CDH18: variants seen among roughly 807,000 people sequenced by gnomAD.
The protein encoded by CDH18 is cadherin-18.
CDH18 carries 31 observed loss-of-function variants against 67.9 expected under a neutral mutation model. The observed-to-expected ratio is 0.46, with a 90% CI of 0.34 to 0.62. The LOEUF is 0.62. CDH18 is among the 20% of genes least tolerant of loss of function. CDH18 has a pLI of 0.01. For synonymous variants in CDH18, 362 were observed against 347.2 expected (o/e 1.04, Z -0.48); for missense variants, 890 against 975.5 (o/e 0.91, Z 1.17).
chr5:19,893,570 C>T (rs1394707617), intron 2 of CDH18, among the ~76,000 whole-genome samples: 1 of 152,098 alleles, frequency 6.6e-6, no homozygotes, highest in Non-Finnish European at 1.5e-5. Context: ...TACATACATT[C>T]ATTTTCTCTC....
rs1580710642 is a variant in CDH18 at position 20,305,213 on chromosome 5, C to T, written c.-579-49708G>A. ...GACAGTCCTTCCAAAGGCTTCCCTC[C>T]AGCACCACTACCAAATCCAGGAAAC... On this transcript the variant is annotated intron_variant, in intron 1 of 14. Coordinates refer to the CDH18 transcript ENST00000507958. 7 of 1,385,950 alleles carry T rather than the reference C, an allele frequency of 5.1e-6. No individual in the cohort carries two copies. In the East Asian group the frequency reaches 1.4e-4, roughly 27 times the overall value. The allele number at this position is 1,385,950 out of a possible 1,614,324, so 85.9% of individuals were successfully genotyped here.
intron 2 of CDH18, among the ~76,000 whole-genome samples, chr5:20,208,186 C>A (rs10062437): frequency 0.011 from 1,692 of 152,132 alleles, 32 homozygotes; most frequent in African/African-American, 0.038. Flanking sequence ...GAAGGTGAAA[C>A]AGGCATGTCT....
chr5:19,877,230 T>C (rs1015680257), intron 2 of CDH18, among the ~76,000 whole-genome samples: 1 of 152,050 alleles, frequency 6.6e-6, no homozygotes, highest in African/African-American at 2.4e-5. Flanking sequence ...AAAAAAAACC[T>C]ATATTAAATG....
At position 20,258,777 on chromosome 5, in the gene CDH18, T is replaced by C. The variant is rs529919091; in HGVS notation, c.-579-3272A>G. The stretch of plus-strand genomic sequence containing the variant: ...CGAGAGTCCTAACATACCCTAATAC[T>C]ACAGGAATGGTGAAGAGGTGGCAAT... On this transcript the variant is annotated intron_variant, in intron 1 of 14. Transcript: ENST00000507958. 3.9e-5 allele frequency among the ~76,000 whole-genome samples: 6 copies of C among 152,238 alleles called. No homozygotes were observed. In the South Asian group the frequency reaches 1.0e-3, roughly 26 times the overall value.
At chr5:19,592,314 C>T (rs936248345) in intron 6 of CDH18, among the ~76,000 whole-genome samples, 7 of 151,924 alleles carry the variant, frequency 4.6e-5, no homozygotes, top group East Asian at 1.9e-4. Context: ...TATTAAATGT[C>T]GAATGGAACC....
intron 2 of CDH18, among the ~76,000 whole-genome samples, chr5:20,107,293 G>C (rs1304186047): frequency 6.6e-6 from 1 of 151,856 alleles, no homozygotes; most frequent in Non-Finnish European, 1.5e-5. Flanking sequence ...CCAGGATGGT[G>C]TCGATCTCCT....
intron 1 of CDH18, chr5:20,304,729 T>A: frequency 1.2e-6 from 2 of 1,611,516 alleles, no homozygotes; most frequent in Non-Finnish European, 1.7e-6. Context: ...TTCAGTTTTG[T>A]TGCCATGAAA....
intron 2 of CDH18, among the ~76,000 whole-genome samples, chr5:20,114,408 A>G (rs1287141069): frequency 2.6e-5 from 4 of 152,156 alleles, no homozygotes; most frequent in African/African-American, 9.7e-5. Context: ...TTTAGAAAAT[A>G]AGAAAAGAAT....
chr5:20,030,900 G>A (rs1270031967), intron 2 of CDH18, among the ~76,000 whole-genome samples: 1 of 152,126 alleles, frequency 6.6e-6, no homozygotes, highest in Non-Finnish European at 1.5e-5. Flanking sequence ...ATATAACCAT[G>A]TTTGCTCTGT....
chr5:20,022,898 T>C (rs1050372480), intron 2 of CDH18, among the ~76,000 whole-genome samples: 4 of 152,184 alleles, frequency 2.6e-5, no homozygotes, highest in Non-Finnish European at 5.9e-5. Context: ...CCTTCCTGCA[T>C]TTTTATAGAG....
chr5:20,065,462 G>T (rs1488859672), intron 2 of CDH18, among the ~76,000 whole-genome samples: 3 of 151,944 alleles, frequency 2.0e-5, no homozygotes, highest in African/African-American at 7.2e-5. Flanking sequence ...AAGGGTAATA[G>T]AAATTCATTA....
At chr5:19,611,615 G>A (rs566148209) in intron 6 of CDH18, among the ~76,000 whole-genome samples, 2 of 152,222 alleles carry the variant, frequency 1.3e-5, no homozygotes, top group African/African-American at 4.8e-5. Context: ...CCTGTATGAC[G>A]TACCAAAGGA....
At chr5:19,529,504 G>T (rs1748261433) in intron 9 of CDH18, among the ~76,000 whole-genome samples, 2 of 151,826 alleles carry the variant, frequency 1.3e-5, no homozygotes, top group African/African-American at 4.8e-5. Flanking sequence ...AAATAAAAGT[G>T]ATGTAAATTG....
At chr5:19,980,939 T>G (rs913890936) in intron 2 of CDH18, 121 bp downstream of exon 2, 2 of 152,208 alleles carry the variant, frequency 1.3e-5, no homozygotes, top group Non-Finnish European at 2.9e-5. Flanking sequence ...GCAGCCCTCT[T>G]ATTGTTTAGG....
intron 1 of CDH18, among the ~76,000 whole-genome samples, chr5:20,547,474 T>A (rs1012479398): frequency 1.3e-5 from 2 of 150,942 alleles, no homozygotes; most frequent in Non-Finnish European, 2.9e-5. Flanking sequence ...GGCAGGAGAA[T>A]CATTTGAACC....
chr5:20,027,171 C>T (rs1738982995), intron 2 of CDH18, among the ~76,000 whole-genome samples: 1 of 151,940 alleles, frequency 6.6e-6, no homozygotes, highest in Non-Finnish European at 1.5e-5. Context: ...TGATTAAACA[C>T]TTTATGTATG....
chr5:19,823,533 C>T (rs1480014538), intron 3 of CDH18, among the ~76,000 whole-genome samples: 2 of 152,144 alleles, frequency 1.3e-5, no homozygotes, highest in Non-Finnish European at 2.9e-5. Flanking sequence ...GAAGACATAA[C>T]TCACCTAAAT....
At chr5:20,180,337 T>A (rs2126680637) in intron 2 of CDH18, among the ~76,000 whole-genome samples, 1 of 152,266 alleles carries the variant, frequency 6.6e-6, no homozygotes, top group African/African-American at 2.4e-5. Context: ...GCATACTCCC[T>A]TCTGAGAATT....
At chr5:20,000,280 GTGT>G (rs534039568) in intron 2 of CDH18, among the ~76,000 whole-genome samples, 268 of 152,234 alleles carry the variant, frequency 1.8e-3, no homozygotes, top group African/African-American at 6.0e-3. Context: ...TCTGATGGTT[GTGT>G]TATAAGATAA....
Sources: allele counts gnomAD v4.1 joint callset (sites outside exome capture counted in the v4.1 genomes callset), GRCh38; gene constraint gnomAD v4.1.1; transcripts MANE v1.5; gene names NCBI Gene and HGNC (gene_info 2026-07-23, HGNC 2026-07-21).